The following ZFC3H1 variants were observed in gnomAD, a reference collection of about 807,000 sequenced individuals.
The protein encoded by ZFC3H1 is zinc finger C3H1-type containing.
In ZFC3H1, 71 loss-of-function variants were observed where a neutral mutation model predicts 243.7. The observed-to-expected ratio is 0.29, with a 90% CI of 0.24 to 0.36. The LOEUF (loss-of-function observed/expected upper bound fraction) is 0.36. Among genes scored for constraint, ZFC3H1 ranks in the 10% least tolerant of loss-of-function variants. ZFC3H1 has a pLI of 1.00. For synonymous variants in ZFC3H1, 838 were observed against 813.0 expected (o/e 1.03, Z -0.52); for missense variants, 1,966 against 2,317.1 (o/e 0.85, Z 3.11).
chr12:71,611,044 C>A lies in ZFC3H1; in HGVS notation c.5769+14G>T. On this transcript the variant is annotated intron_variant, in intron 33 of 34. Coordinates refer to ENST00000378743, the MANE Select transcript of ZFC3H1 (RefSeq NM_144982.5). ...TTTTAAAAGTGACCCATCTGAGATT[C>A]AACCATGGCTTACCTCTCTTTGTCC... The A allele has an allele frequency of 6.3e-7, 1 of 1,585,092 alleles. No homozygotes were observed. Among genetic ancestry groups the A allele is most frequent in the South Asian group, 1.2e-5 (1 of 86,148 alleles).
In ZFC3H1 at chr12:71,627,953, T is replaced by G. The variant is rs1308277356; in HGVS notation, c.3947-19A>C. ...TGGAAAGCTATTTAAAAAAAAAGTA[T>G]TATTAGCTTCACATTTTCTTTAGTC... On this transcript the variant is annotated intron_variant, in intron 20 of 34. Coordinates refer to ENST00000378743, the MANE Select transcript of ZFC3H1 (RefSeq NM_144982.5). The G allele has an allele frequency of 5.6e-6, 9 of 1,603,598 alleles. No individual in the cohort carries two copies. Among genetic ancestry groups the G allele is most frequent in the Non-Finnish European group, 7.6e-6 (9 of 1,176,872 alleles).
intron 24 of ZFC3H1, among the ~76,000 whole-genome samples, chr12:71,622,368 A>C (rs1193113628): frequency 2.6e-5 from 4 of 152,174 alleles, no homozygotes; most frequent in African/African-American, 4.8e-5. Context: ...TCTTCTATGA[A>C]GACTTCCTTG....
chr12:71,641,281 G>C (rs972200169), intron 6 of ZFC3H1, among the ~76,000 whole-genome samples: 1 of 152,118 alleles, frequency 6.6e-6, no homozygotes, highest in African/African-American at 2.4e-5. Context: ...CATAATATAA[G>C]ACTATCAAAC....
chr12:71,614,562 G>A lies in ZFC3H1; in HGVS notation c.5499C>T (p.Tyr1833=). The A allele has an allele frequency of 6.2e-7, 1 of 1,603,750 alleles. No individual in the cohort carries two copies. The highest frequency in any genetic ancestry group is 8.5e-7 in the Non-Finnish European group (1 of 1,176,050). Residue 1833 remains tyrosine, a synonymous_variant, in exon 30 of 35, where the codon TAC becomes TAT. Transcript: ENST00000378743. ...RYPIPFSSAD[Y]WSNYEFHNRV... is the part of the protein sequence containing the mutation. ...TATTATGAAATTCATAGTTGGACCA[G>A]TAATCAGCACTGCTAAAAGGAATGG...
intron 6 of ZFC3H1, among the ~76,000 whole-genome samples, chr12:71,641,906 G>A (rs1256417456): frequency 2.0e-5 from 3 of 152,190 alleles, no homozygotes; most frequent in African/African-American, 7.2e-5. Context: ...CGGGAGTGCA[G>A]TGGTACGACG....
intron 32 of ZFC3H1, 106 bp downstream of exon 32, chr12:71,611,675 AAATAT>A (rs1299731722): frequency 4.9e-5 from 8 of 164,426 alleles, no homozygotes; most frequent in Non-Finnish European, 8.3e-5. Context: ...AAAAAAAAAA[AAATAT>A]ATATATATAT....
intron 27 of ZFC3H1, among the ~76,000 whole-genome samples, chr12:71,615,983 T>A (rs1879885515): frequency 6.6e-6 from 1 of 152,248 alleles, no homozygotes. Flanking sequence ...AATCTGTACT[T>A]TCTTGTTAAA....
In ZFC3H1 at chr12:71,638,524, A is replaced by C. The variant is rs1253835913; in HGVS notation, c.1628-9T>G. On this transcript the variant is annotated splice_polypyrimidine_tract_variant and intron_variant, in intron 6 of 34. Coordinates refer to ENST00000378743, the MANE Select transcript of ZFC3H1 (RefSeq NM_144982.5). ...TTGCACTGGTGAAGGAGCTGTAAAAAAATTTTTTGTTAAGAGTTTAATAAC... is the reference window on the plus strand; with the variant it reads ...TTGCACTGGTGAAGGAGCTGTAAAACAATTTTTTGTTAAGAGTTTAATAAC... 3 of 1,590,550 alleles carry C rather than the reference A, an allele frequency of 1.9e-6. No homozygotes were observed.
chr12:71,630,908 C>T lies in ZFC3H1; in HGVS notation c.3517G>A (p.Val1173Ile). 1 of 1,613,026 alleles carries T rather than the reference C, an allele frequency of 6.2e-7. No homozygotes were observed. Among genetic ancestry groups the T allele is most frequent in the African/African-American group, 1.3e-5 (1 of 75,000 alleles). Reference sequence around the variant, plus strand: ...GGTTCAATCATATTACTGTATGATACTGAGCTCAGGGGAAGTTTTTCCTTG... The same window carrying T: ...GGTTCAATCATATTACTGTATGATATTGAGCTCAGGGGAAGTTTTTCCTTG... Reference protein sequence around the residue: ...RTKEKLPLSSVSYSNMIEPDQ... With the variant: ...RTKEKLPLSSISYSNMIEPDQ... Residue 1173 changes from valine to isoleucine, a missense_variant, in exon 17 of 35, where the codon GTA (valine) becomes ATA (isoleucine). By Grantham distance (29) the Val-to-Ile change is conservative (BLOSUM62 3). Around this residue, in one of 4 missense-constraint regions of ZFC3H1, gnomAD observed 1,383 missense variants for 1,723.7 expected, o/e 0.80. Transcript: ENST00000378743.
At chr12:71,650,293 C>A (rs941043601) in intron 2 of ZFC3H1, among the ~76,000 whole-genome samples, 18 of 152,040 alleles carry the variant, frequency 1.2e-4, no homozygotes, top group African/African-American at 4.3e-4. Context: ...TTAATAAATA[C>A]AATAAATTCA....
chr12:71,663,574 C>G lies in ZFC3H1; in HGVS notation c.37G>C (p.Gly13Arg). ...TADTPAPASSGLSPKEEGELE... is the reference protein window; with the variant it reads ...TADTPAPASSRLSPKEEGELE... ...TCCCCTTCTTCCTTCGGCGAGAGGC[C>G]ACTGGAGGCCGGGGCCGGAGTATCT... Residue 13 changes from glycine (G) to arginine (R), a missense_variant, in exon 1 of 35, where the codon GGC (glycine) becomes CGC (arginine). Physicochemically the swap from Gly to Arg is moderately radical, Grantham distance 125. Transcript: ENST00000378743. The G allele has an allele frequency of 6.2e-7, 1 of 1,612,586 alleles. No homozygotes were observed. The highest frequency in any genetic ancestry group is 1.1e-5 in the South Asian group (1 of 91,090).
rs1880371621 is a variant in ZFC3H1 at position 71,633,305 on chromosome 12, G to A, written c.2644C>T (p.Leu882Phe). ...TTCAAAAACATTCTGTTAACATTAA[G>A]AATTTTTTCAGTTGCTTGAAGCTGT... ...TEQLQATEKI[L>F]NVNRMFLKKL... The change falls in exon 13 of 35, where the codon CTT becomes TTT. Residue 882 changes from leucine to phenylalanine, a missense_variant. Physicochemically the swap from Leu to Phe is conservative, Grantham distance 22. Coordinates refer to ENST00000378743, the MANE Select transcript of ZFC3H1 (RefSeq NM_144982.5). The A allele has an allele frequency of 6.3e-7, 1 of 1,593,660 alleles. No homozygotes were observed. Among genetic ancestry groups the A allele is most frequent in the Non-Finnish European group, 8.5e-7 (1 of 1,173,168 alleles).
rs148843335 is a variant in ZFC3H1, at chr12:71,655,615, T to G, written c.1015+1270A>C. On this transcript the variant is annotated intron_variant, in intron 2 of 34. Coordinates refer to ENST00000378743, the MANE Select transcript of ZFC3H1 (RefSeq NM_144982.5). ...CAAAAAATATAGAGTTTACATAAAC[T>G]GTCTTAACAGAAATAGAAAACACGA... Among the ~76,000 whole-genome samples, 689 of 152,276 alleles carry G rather than the reference T, an allele frequency of 4.5e-3. 1 individual carries two copies. Among genetic ancestry groups the G allele is most frequent in the African/African-American group, 0.016 (660 of 41,570 alleles).
intron 24 of ZFC3H1, among the ~76,000 whole-genome samples, chr12:71,621,590 G>A (rs1400788001): frequency 6.6e-6 from 1 of 152,018 alleles, no homozygotes; most frequent in Non-Finnish European, 1.5e-5. Context: ...ACAGATGTGA[G>A]GCACCACGCA....
chr12:71,622,442 A>T (rs1212880702), intron 24 of ZFC3H1, among the ~76,000 whole-genome samples: 2 of 151,900 alleles, frequency 1.3e-5, no homozygotes, highest in African/African-American at 2.4e-5. Context: ...TAATTCTATA[A>T]ATCACAGATC....
chr12:71,628,764 T>C (rs1026819401), intron 20 of ZFC3H1, among the ~76,000 whole-genome samples, 154 bp downstream of exon 20: 2 of 152,214 alleles, frequency 1.3e-5, no homozygotes, highest in African/African-American at 4.8e-5. Flanking sequence ...CACAGTGAAT[T>C]AACTGTATTG....
intron 31 of ZFC3H1, 98 bp downstream of exon 31, chr12:71,613,237 G>A: frequency 1.2e-6 from 1 of 822,138 alleles, no homozygotes; most frequent in Non-Finnish European, 1.8e-6. Context: ...GGACATAGTG[G>A]AACAACAGAC....
intron 7 of ZFC3H1, among the ~76,000 whole-genome samples, chr12:71,637,885 C>T (rs1291364627): frequency 1.3e-5 from 2 of 151,980 alleles, no homozygotes; most frequent in Non-Finnish European, 2.9e-5. Flanking sequence ...CCTCTACTTC[C>T]TTTTTTTCCT....
intron 2 of ZFC3H1, among the ~76,000 whole-genome samples, chr12:71,648,732 G>A (rs909884850): frequency 6.6e-6 from 1 of 152,174 alleles, no homozygotes; most frequent in Non-Finnish European, 1.5e-5. Context: ...CAAGACAAAT[G>A]AGTTCTGTTG....
Sources: gnomAD v4.1 joint callset for allele counts (sites outside exome capture counted in the v4.1 genomes callset) on GRCh38, gnomAD v4.1.1 for gene constraint, gnomAD v4.1.1 regional missense constraint, MANE v1.5 for transcripts, NCBI Gene and HGNC (gene_info 2026-07-23, HGNC 2026-07-21) for gene names.